INSR: variants seen among roughly 807,000 people sequenced by gnomAD.
INSR encodes insulin receptor.
INSR carries 67 observed loss-of-function variants against 142.6 expected under a neutral mutation model. That is an observed-to-expected ratio of 0.47 (90% confidence interval 0.39 to 0.58). The LOEUF (loss-of-function observed/expected upper bound fraction) is 0.58, where lower values mean the gene tolerates loss of function less well. Among genes scored for constraint, INSR ranks in the 20% least tolerant of loss-of-function variants. The pLI is 0.00. For synonymous variants in INSR, 756 were observed against 743.1 expected (o/e 1.02, Z -0.28); for missense variants, 1,248 against 1,833.2 (o/e 0.68, Z 5.83).
At position 7,113,543 on chromosome 19, in the gene INSR, G is replaced by C. The variant is rs1972253700; in HGVS notation, c.*3513C>G. ...CTTGGTATTCTCCTCCTGGAAGAAG[G>C]AACTCCTGTGTGGCTTTCACTACAT... On this transcript the variant is annotated 3_prime_UTR_variant, in exon 22 of 22. Coordinates refer to ENST00000302850, the MANE Select transcript of INSR (RefSeq NM_000208.4). 6.6e-6 allele frequency: 1 copy of C among 152,194 alleles called. No individual in the cohort carries two copies. The highest frequency in any genetic ancestry group is 6.5e-5 in the Admixed American group (1 of 15,272). The allele number at this position is 152,194 out of a possible 1,614,324, so 9.4% of individuals were successfully genotyped here.
intron 2 of INSR, among the ~76,000 whole-genome samples, chr19:7,245,066 G>A (rs1976498691): frequency 6.6e-6 from 1 of 151,294 alleles, no homozygotes. Flanking sequence ...CTCCCGAGTA[G>A]CTGGGACTAC....
chr19:7,280,486 G>T (rs1968177311), intron 1 of INSR, among the ~76,000 whole-genome samples: 1 of 152,114 alleles, frequency 6.6e-6, no homozygotes, highest in Admixed American at 6.6e-5. Context: ...GGGCAGCCGA[G>T]GCGGGTGGAT....
intron 2 of INSR, among the ~76,000 whole-genome samples, chr19:7,206,442 C>T (rs576290202): frequency 1.1e-4 from 17 of 152,280 alleles, no homozygotes; most frequent in African/African-American, 3.8e-4. Context: ...GAGGGGCGGG[C>T]GAGCGATGGA....
chr19:7,175,298 G>A (rs1568464805), intron 3 of INSR, among the ~76,000 whole-genome samples: 2 of 152,132 alleles, frequency 1.3e-5, no homozygotes, highest in Non-Finnish European at 2.9e-5. Context: ...AGGGTTGCTT[G>A]AGCCTGGGAG....
chr19:7,157,422 G>GGAT (rs1973623949), intron 9 of INSR, among the ~76,000 whole-genome samples: 1 of 48,742 alleles, frequency 2.1e-5, no homozygotes, highest in African/African-American at 8.0e-5. Context: ...GCCGATTTTT[G>GGAT]TATTTTTTTT....
At chr19:7,213,955 A>C (rs960728883) in intron 2 of INSR, among the ~76,000 whole-genome samples, 1 of 151,390 alleles carries the variant, frequency 6.6e-6, no homozygotes, top group African/African-American at 2.4e-5. Context: ...GTGCCATTGC[A>C]CTCCAGGCTA....
At chr19:7,276,168 CAG>C (rs1968057520) in intron 1 of INSR, among the ~76,000 whole-genome samples, 1 of 151,700 alleles carries the variant, frequency 6.6e-6, no homozygotes, top group South Asian at 2.1e-4. Flanking sequence ...TTTTTTGAGA[CAG>C]AGTCTTGCTA....
At chr19:7,262,675 AAG>A (rs1303164247) in intron 2 of INSR, among the ~76,000 whole-genome samples, 1 of 152,212 alleles carries the variant, frequency 6.6e-6, no homozygotes. Context: ...TTAAAAAGGA[AAG>A]AATTTCCGAC....
intron 2 of INSR, among the ~76,000 whole-genome samples, chr19:7,229,000 T>TGGAC (rs1336551675): frequency 4.1e-5 from 6 of 146,022 alleles, no homozygotes; most frequent in African/African-American, 1.5e-4. Context: ...GATGGATGGA[T>TGGAC]GGATGGACGT....
At chr19:7,239,611 C>T (rs1455962769) in intron 2 of INSR, among the ~76,000 whole-genome samples, 2 of 151,678 alleles carry the variant, frequency 1.3e-5, no homozygotes, top group African/African-American at 2.4e-5. Flanking sequence ...CCTAGAAAAC[C>T]ATTCACAAAT....
At chr19:7,262,045 T>A (rs1233333133) in intron 2 of INSR, among the ~76,000 whole-genome samples, 3 of 152,162 alleles carry the variant, frequency 2.0e-5, no homozygotes, top group Admixed American at 2.0e-4. Context: ...CACAGAAGTA[T>A]CTGAAAAGAC....
chr19:7,249,901 A>C (rs968980022), intron 2 of INSR, among the ~76,000 whole-genome samples: 6 of 152,188 alleles, frequency 3.9e-5, no homozygotes, highest in Admixed American at 1.3e-4. Context: ...CTGAGGCAGG[A>C]GAATCACTTG....
chr19:7,133,310 G>A (rs1972830979), intron 13 of INSR, among the ~76,000 whole-genome samples: 1 of 152,026 alleles, frequency 6.6e-6, no homozygotes, highest in African/African-American at 2.4e-5. Flanking sequence ...CACGTATGGG[G>A]TACAGTGTAA....
intron 10 of INSR, among the ~76,000 whole-genome samples, chr19:7,151,738 G>A (rs943576303): frequency 6.6e-6 from 1 of 152,152 alleles, no homozygotes; most frequent in African/African-American, 2.4e-5. Context: ...CACACTGGTG[G>A]TTCTGGGAGA....
In INSR at chr19:7,167,218, A is replaced by G. The variant is rs145656163; in HGVS notation, c.1610+750T>C. Reference sequence around the variant, plus strand: ...GGAGCTCCCTCACAAGTTACTGATAAGATTAGACTGTGTGTCAGTGCTCAG... The same window carrying G: ...GGAGCTCCCTCACAAGTTACTGATAGGATTAGACTGTGTGTCAGTGCTCAG... On this transcript the variant is annotated intron_variant, in intron 7 of 21. Coordinates refer to ENST00000302850, the MANE Select transcript of INSR (RefSeq NM_000208.4). 9.9e-4 allele frequency among the ~76,000 whole-genome samples: 151 copies of G among 152,306 alleles called. 1 individual carries two copies. In the East Asian group the frequency reaches 0.028, roughly 28 times the overall value.
chr19:7,267,742 A>G lies in INSR; in HGVS notation c.255T>C (p.Thr85=). ...AGACCCGGAAGAGCAGCAAGTAATC[A>G]GTGATCATGATGAGTTTGGGGAAAC... ...DLSFPKLIMI[T]DYLLLFRVYG... The change falls in exon 2 of 22, where the codon ACT becomes ACC. Residue 85 remains threonine (T), a synonymous_variant. Transcript: ENST00000302850. The surrounding 1 kb of genome is among the most constrained non-coding windows in gnomAD (Gnocchi z 6.3). The G allele has an allele frequency of 6.2e-7, 1 of 1,614,146 alleles. No homozygotes were observed. Among genetic ancestry groups the G allele is most frequent in the East Asian group, 2.2e-5 (1 of 44,888 alleles).
In INSR at chr19:7,184,642, AG is replaced by A; in HGVS notation, c.653-6del. On this transcript the variant is annotated splice_region_variant and splice_polypyrimidine_tract_variant and intron_variant, in intron 2 of 21. Coordinates refer to ENST00000302850, the MANE Select transcript of INSR (RefSeq NM_000208.4). ...ACTTACAGATGGTCGGGCAAACTGG[AG>A]AGAGAGAGAGAGAGAGAGGGAAATA... 1.3e-6 allele frequency: 1 copy of A among 750,626 alleles called. No individual in the cohort carries two copies. Among genetic ancestry groups the A allele is most frequent in the Non-Finnish European group, 1.9e-6 (1 of 539,768 alleles). The allele number at this position is 750,626 out of a possible 1,614,324, so 46.5% of individuals were successfully genotyped here.
At position 7,168,192 on chromosome 19, in the gene INSR, G is replaced by A. The variant is rs1973931174; in HGVS notation, c.1484-98C>T. ...CACTTCCTGGAGGGACCGTGAGAAG[G>A]CAGAGGTGACGCTGCTATTCCCTTA... On this transcript the variant is annotated intron_variant, in intron 6 of 21. Coordinates refer to ENST00000302850, the MANE Select transcript of INSR (RefSeq NM_000208.4). The surrounding 1 kb of genome is among the most constrained non-coding windows in gnomAD (Gnocchi z 4.3). The A allele has an allele frequency of 2.2e-5, 27 of 1,251,078 alleles. No homozygotes were observed. In the South Asian group the frequency reaches 2.9e-4, roughly 14 times the overall value. 77.5% of individuals were successfully genotyped at this position (1,251,078 alleles called of 1,614,324 possible). A position where few individuals can be genotyped will look rare whatever the true frequency, so the allele number is the denominator to read the frequency against.
chr19:7,159,923 T>C lies in INSR; in HGVS notation c.2029+3109A>G, dbSNP rs59231670. ...CGCCAGTGGCCCCCTGGCCTTCTCCTCCAGGGTCATGGACCGAGGATATCA... is the reference window on the plus strand; with the variant it reads ...CGCCAGTGGCCCCCTGGCCTTCTCCCCCAGGGTCATGGACCGAGGATATCA... On this transcript the variant is annotated intron_variant, in intron 9 of 21. Coordinates refer to ENST00000302850, the MANE Select transcript of INSR (RefSeq NM_000208.4). The surrounding 1 kb of genome is among the most constrained non-coding windows in gnomAD (Gnocchi z 4.3). Among the ~76,000 whole-genome samples, 3,015 of 152,210 alleles carry C rather than the reference T, an allele frequency of 0.02. 299 individuals carry two copies. The East Asian group carries it at 0.32, about 16-fold the overall frequency.
Sources: gnomAD v4.1 joint callset for allele counts (sites outside exome capture counted in the v4.1 genomes callset) on GRCh38, gnomAD v4.1.1 for gene constraint, Gnocchi (gnomAD v3.1) non-coding constraint, MANE v1.5 for transcripts, NCBI Gene and HGNC (gene_info 2026-07-23, HGNC 2026-07-21) for gene names.